Variants in ATP8A2 observed in about 807,000 individuals in gnomAD.
ATP8A2 encodes the protein phospholipid-transporting ATPase IB.
In ATP8A2, 100 loss-of-function variants were observed where a neutral mutation model predicts 165.6. That is an observed-to-expected ratio of 0.60 (90% CI 0.51 to 0.71). The LOEUF is 0.71. Ranked by LOEUF, ATP8A2 falls within the 30% of genes least tolerant of loss-of-function variation. The probability of loss-of-function intolerance (pLI) is 0.00; values close to 1 mark genes in which losing one functional copy is unlikely to be tolerated. For synonymous variants in ATP8A2, 543 were observed against 548.8 expected, an observed-to-expected ratio of 0.99 and a Z score of 0.15; for missense variants, 1,227 against 1,479.5, an observed-to-expected ratio of 0.83 and a Z score of 2.80.
intron 1 of ATP8A2, among the ~76,000 whole-genome samples, chr13:25,455,005 CTGATCTTCTGTTAGAG>C (rs2035327883): frequency 6.6e-6 from 1 of 152,246 alleles, no homozygotes; most frequent in Non-Finnish European, 1.5e-5. Flanking sequence ...ATCACATTTA[CTGATCTTCTGTTAGAG>C]TGGCTGGTGT....
intron 24 of ATP8A2, among the ~76,000 whole-genome samples, chr13:25,690,343 A>C (rs1221709647): frequency 6.6e-6 from 1 of 151,994 alleles, no homozygotes; most frequent in Non-Finnish European, 1.5e-5. Flanking sequence ...CTAACACTGC[A>C]TGGGATGCTT....
intron 25 of ATP8A2, among the ~76,000 whole-genome samples, chr13:25,768,076 T>TGGGGG (rs397942177): frequency 1.0e-4 from 5 of 49,296 alleles, no homozygotes; most frequent in East Asian, 1.2e-3. Context: ...TGTGGTGGCG[T>TGGGGG]GGGGGGGGGG....
intron 1 of ATP8A2, among the ~76,000 whole-genome samples, chr13:25,430,891 C>A (rs995095879): frequency 6.6e-6 from 1 of 152,120 alleles, no homozygotes; most frequent in African/African-American, 2.4e-5. Flanking sequence ...TGCCACCACA[C>A]CCTGCCAAGG....
chr13:25,600,830 A>C (rs1277576136), intron 24 of ATP8A2, among the ~76,000 whole-genome samples: 2 of 152,256 alleles, frequency 1.3e-5, no homozygotes, highest in Non-Finnish European at 2.9e-5. Context: ...AGGGAAGAAC[A>C]TGGAAGAAGA....
intron 27 of ATP8A2, among the ~76,000 whole-genome samples, chr13:25,790,693 CAAAAAAAAAA>C (rs113185440): frequency 1.1e-5 from 1 of 92,650 alleles, no homozygotes; most frequent in South Asian, 3.6e-4. Flanking sequence ...GACCTTGTCT[CAAAAAAAAAA>C]AAAAAATAAG....
chr13:25,457,783 C>T (rs2035402527), intron 1 of ATP8A2, among the ~76,000 whole-genome samples: 1 of 152,236 alleles, frequency 6.6e-6, no homozygotes, highest in Non-Finnish European at 1.5e-5. Context: ...TTTAAACTTT[C>T]TCACTTCTGT....
chr13:25,850,446 C>T (rs1487599994), intron 30 of ATP8A2, among the ~76,000 whole-genome samples: 1 of 144,630 alleles, frequency 6.9e-6, no homozygotes, highest in African/African-American at 2.6e-5. Flanking sequence ...TTCTTTTTGC[C>T]TGAAATGTTC....
At chr13:25,418,642 T>C (rs2034205050) in intron 1 of ATP8A2, among the ~76,000 whole-genome samples, 1 of 152,122 alleles carries the variant, frequency 6.6e-6, no homozygotes, top group Admixed American at 6.5e-5. Context: ...TCTTCCACAG[T>C]ATGGTGGGAG....
chr13:25,978,102 C>G (rs1956098729), intron 35 of ATP8A2, among the ~76,000 whole-genome samples: 1 of 151,744 alleles, frequency 6.6e-6, no homozygotes, highest in Non-Finnish European at 1.5e-5. Flanking sequence ...CTCACTGTAT[C>G]CCTTTTTAAG....
intron 24 of ATP8A2, among the ~76,000 whole-genome samples, chr13:25,670,291 T>G (rs548845206): frequency 1.3e-5 from 2 of 152,278 alleles, no homozygotes; most frequent in East Asian, 3.9e-4. Context: ...AATCTAAGTA[T>G]GAATATTTTC....
At chr13:25,633,975 CA>C (rs199748845) in intron 24 of ATP8A2, among the ~76,000 whole-genome samples, 4,720 of 133,426 alleles carry the variant, frequency 0.035, 114 homozygotes, top group East Asian at 0.15. Flanking sequence ...GACCCTGTCT[CA>C]AAAAAAAAAA....
chr13:25,633,081 C>T (rs1234147896), intron 24 of ATP8A2, among the ~76,000 whole-genome samples: 1 of 152,210 alleles, frequency 6.6e-6, no homozygotes, highest in Non-Finnish European at 1.5e-5. Context: ...AGATTCTGCT[C>T]ACTTGTTCAG....
chr13:25,753,830 A>G (rs1366649924), intron 25 of ATP8A2, among the ~76,000 whole-genome samples: 2 of 152,216 alleles, frequency 1.3e-5, no homozygotes, highest in African/African-American at 4.8e-5. Context: ...AGTTAAGGAA[A>G]AGTCTGTTTC....
chr13:25,652,258 T>G (rs1019574202), intron 24 of ATP8A2, among the ~76,000 whole-genome samples: 1 of 152,192 alleles, frequency 6.6e-6, no homozygotes, highest in Admixed American at 6.5e-5. Flanking sequence ...AATATATTTA[T>G]TTTCCAAATA....
intron 1 of ATP8A2, among the ~76,000 whole-genome samples, chr13:25,387,438 G>A (rs2033096742): frequency 6.6e-6 from 1 of 152,056 alleles, no homozygotes; most frequent in East Asian, 1.9e-4. Flanking sequence ...TTCGGGTGTT[G>A]GGCTGAGCTC....
At chr13:25,460,945 AT>A (rs2035488017) in intron 1 of ATP8A2, among the ~76,000 whole-genome samples, 1 of 152,200 alleles carries the variant, frequency 6.6e-6, no homozygotes, top group Non-Finnish European at 1.5e-5. Flanking sequence ...TGCTGTAAAA[AT>A]GGAAGCTTAT....
At chr13:25,864,446 C>T (rs1390451936) in intron 33 of ATP8A2, among the ~76,000 whole-genome samples, 2 of 152,132 alleles carry the variant, frequency 1.3e-5, no homozygotes, top group African/African-American at 2.4e-5. Flanking sequence ...GCTGATCATG[C>T]AGCTACTAAG....
intron 24 of ATP8A2, among the ~76,000 whole-genome samples, chr13:25,617,692 C>G (rs1351331231): frequency 6.6e-6 from 1 of 152,044 alleles, no homozygotes; most frequent in Non-Finnish European, 1.5e-5. Flanking sequence ...TGTTACAGTT[C>G]CATCATGAAA....
chr13:25,776,061 G>A (rs868493711), intron 27 of ATP8A2, among the ~76,000 whole-genome samples: 15 of 152,170 alleles, frequency 9.9e-5, no homozygotes, highest in South Asian at 2.1e-4. Context: ...CAAGACAACC[G>A]GGCCAAAAGA....
Sources: gnomAD v4.1 joint callset for allele counts (sites outside exome capture counted in the v4.1 genomes callset) on GRCh38, gnomAD v4.1.1 for gene constraint, MANE v1.5 for transcripts, NCBI Gene and HGNC (gene_info 2026-07-23, HGNC 2026-07-21) for gene names.